The following RBFOX1 variants were observed in gnomAD, a reference collection of about 807,000 sequenced individuals.
RBFOX1 encodes the protein RNA binding fox-1 homolog 1, also known as RNA binding protein fox-1 homolog 1.
RBFOX1 carries 8 observed loss-of-function variants against 57.7 expected under a neutral mutation model. The observed-to-expected ratio is 0.14, with a 90% CI of 0.08 to 0.25. The LOEUF is 0.25. Among genes scored for constraint, RBFOX1 ranks in the 10% least tolerant of loss-of-function variants. The pLI is 1.00. For missense variants in RBFOX1, 611 were observed against 548.5 expected, an observed-to-expected ratio of 1.11 and a Z score of -1.14; for synonymous variants, 326 against 222.4, an observed-to-expected ratio of 1.47 and a Z score of -4.15.
At chr16:5,366,604 A>G (rs2065723150) in intron 1 of RBFOX1, 1 of 394,954 alleles carries the variant, frequency 2.5e-6, no homozygotes, top group African/African-American at 2.1e-5. Flanking sequence ...AGAGGAAGCA[A>G]AGTTCATCAA....
At chr16:6,492,406 A>C (rs1211007312) in intron 2 of RBFOX1, among the ~76,000 whole-genome samples, 1 of 152,074 alleles carries the variant, frequency 6.6e-6, no homozygotes, top group Non-Finnish European at 1.5e-5. Context: ...CGTCTCTACT[A>C]AAAATACAAA....
chr16:6,436,051 A>G (rs943634415), intron 2 of RBFOX1, among the ~76,000 whole-genome samples: 4 of 152,214 alleles, frequency 2.6e-5, no homozygotes, highest in Non-Finnish European at 5.9e-5. Flanking sequence ...TGCATTTTCA[A>G]CACATTGGAG....
At chr16:5,976,532 G>A (rs2060066418) in intron 4 of RBFOX1, among the ~76,000 whole-genome samples, 1 of 152,066 alleles carries the variant, frequency 6.6e-6, no homozygotes, top group Non-Finnish European at 1.5e-5. Context: ...GAATTCTAAG[G>A]TATTCTGAGG....
Position 6,586,945 on chromosome 16 carries a change from A to G in RBFOX1, c.-63-67658A>G, listed in dbSNP as rs540403836. Among the ~76,000 whole-genome samples, 15 of 152,326 alleles carry G rather than the reference A, an allele frequency of 9.8e-5. No individual in the cohort carries two copies. In the South Asian group the frequency reaches 2.7e-3, roughly 27 times the overall value. On this transcript the variant is annotated intron_variant, in intron 2 of 15. Transcript: ENST00000550418. ...ACAGGATGTTTTGAAATATATATATATTGTGGAATGCTTAAATTGGGTTTA... is the reference window on the plus strand; with the variant it reads ...ACAGGATGTTTTGAAATATATATATGTTGTGGAATGCTTAAATTGGGTTTA...
intron 4 of RBFOX1, among the ~76,000 whole-genome samples, chr16:5,881,278 A>G (rs13330400): frequency 8.5e-5 from 13 of 152,294 alleles, no homozygotes; most frequent in Middle Eastern, 3.4e-3. Flanking sequence ...ATTTTGTTGC[A>G]TGTATTCACT....
chr16:6,205,863 C>CTTTTTTTT (rs34261182), intron 1 of RBFOX1, among the ~76,000 whole-genome samples: 2 of 97,884 alleles, frequency 2.0e-5, no homozygotes, highest in Non-Finnish European at 1.8e-5. Flanking sequence ...CGAGATCATA[C>CTTTTTTTT]TTTTTTTTTT....
chr16:7,239,500 A>C (rs2093947736), intron 4 of RBFOX1, among the ~76,000 whole-genome samples: 1 of 152,094 alleles, frequency 6.6e-6, no homozygotes, highest in Non-Finnish European at 1.5e-5. Flanking sequence ...CTGTCTAAAA[A>C]ATAAATAAAT....
chr16:5,753,086 G>A (rs1317644879), intron 3 of RBFOX1, among the ~76,000 whole-genome samples: 1 of 151,950 alleles, frequency 6.6e-6, no homozygotes, highest in African/African-American at 2.4e-5. Context: ...CTTTAACCTA[G>A]GAGGTTGAGA....
chr16:6,835,918 G>A (rs2141237754), intron 3 of RBFOX1, among the ~76,000 whole-genome samples: 1 of 152,214 alleles, frequency 6.6e-6, no homozygotes, highest in East Asian at 1.9e-4. Flanking sequence ...GATCATATGT[G>A]CTGAGCCTAA....
At chr16:6,194,822 C>A (rs1480175162) in intron 1 of RBFOX1, among the ~76,000 whole-genome samples, 4 of 152,178 alleles carry the variant, frequency 2.6e-5, no homozygotes, top group Non-Finnish European at 5.9e-5. Flanking sequence ...AGGGCAAGAG[C>A]TTTATGTTTA....
At chr16:6,118,106 A>G (rs965999645) in intron 1 of RBFOX1, among the ~76,000 whole-genome samples, 2 of 152,250 alleles carry the variant, frequency 1.3e-5, no homozygotes, top group Non-Finnish European at 2.9e-5. Flanking sequence ...TCTGAGTATT[A>G]ACATTTTATA....
intron 1 of RBFOX1, among the ~76,000 whole-genome samples, chr16:5,245,646 A>G (rs9673647): frequency 0.65 from 99,234 of 151,674 alleles, 32,631 homozygotes; most frequent in Non-Finnish European, 0.67. Context: ...TGGCCAGGCT[A>G]GTCTCAAACT....
chr16:7,190,220 G>A lies in RBFOX1; in HGVS notation c.27+138122G>A, dbSNP rs567087705. Among the ~76,000 whole-genome samples, 5 of 152,158 alleles carry A rather than the reference G, an allele frequency of 3.3e-5. No homozygotes were observed. In the East Asian group the frequency reaches 9.7e-4, roughly 29 times the overall value. Reference sequence around the variant, plus strand: ...TACTAAAAATACAGAAATTACCCAGGCATGGTGGCACACCTGTAATCCCAG... The same window carrying A: ...TACTAAAAATACAGAAATTACCCAGACATGGTGGCACACCTGTAATCCCAG... On this transcript the variant is annotated intron_variant, in intron 4 of 15. Coordinates refer to ENST00000550418, the MANE Select transcript of RBFOX1 (RefSeq NM_018723.4).
chr16:7,171,091 C>G (rs1359492801), intron 4 of RBFOX1, among the ~76,000 whole-genome samples: 1 of 152,168 alleles, frequency 6.6e-6, no homozygotes, highest in Non-Finnish European at 1.5e-5. Context: ...CAGCTCCATC[C>G]CAGCTTTCTT....
At chr16:6,137,638 G>A (rs765530928) in intron 1 of RBFOX1, among the ~76,000 whole-genome samples, 227 of 129,382 alleles carry the variant, frequency 1.8e-3, no homozygotes, top group Non-Finnish European at 2.9e-3. Flanking sequence ...TTTTTTGACA[G>A]GGTCTGACTC....
intron 1 of RBFOX1, among the ~76,000 whole-genome samples, chr16:5,446,193 T>C (rs1187429641): frequency 1.3e-5 from 2 of 152,094 alleles, no homozygotes; most frequent in Non-Finnish European, 2.9e-5. Flanking sequence ...AATAGGAGTC[T>C]AGAAACTGAC....
intron 3 of RBFOX1, among the ~76,000 whole-genome samples, chr16:5,745,610 T>G (rs1057508355): frequency 6.6e-6 from 1 of 152,188 alleles, no homozygotes; most frequent in African/African-American, 2.4e-5. Context: ...ACCTGTTGTT[T>G]CCTGACTTTT....
At chr16:6,148,131 C>T (rs1036247357) in intron 1 of RBFOX1, among the ~76,000 whole-genome samples, 1 of 152,194 alleles carries the variant, frequency 6.6e-6, no homozygotes, top group African/African-American at 2.4e-5. Context: ...GAGTTCGACA[C>T]CAGCCCGGCA....
chr16:5,329,239 G>C (rs145037268), intron 1 of RBFOX1, among the ~76,000 whole-genome samples: 4,809 of 152,242 alleles, frequency 0.032, 214 homozygotes, highest in African/African-American at 0.097. Flanking sequence ...AAGAAAAGAG[G>C]TTTAATTGTC....
Sources: gnomAD v4.1 joint callset for allele counts (sites outside exome capture counted in the v4.1 genomes callset) on GRCh38, gnomAD v4.1.1 for gene constraint, MANE v1.5 for transcripts, NCBI Gene and HGNC (gene_info 2026-07-23, HGNC 2026-07-21) for gene names.